UVRAG: variants seen among roughly 807,000 people sequenced by gnomAD.
The protein encoded by UVRAG is UV radiation resistance associated.
UVRAG carries 19 observed loss-of-function variants against 78.0 expected under a neutral mutation model. The observed-to-expected ratio is 0.24, with a 90% CI of 0.17 to 0.36. The LOEUF (loss-of-function observed/expected upper bound fraction) is 0.36, where lower values mean the gene tolerates loss of function less well. UVRAG is among the 10% of genes least tolerant of loss of function. UVRAG has a pLI of 1.00. For synonymous variants in UVRAG, 323 were observed against 324.6 expected (o/e 1.00, Z 0.05); for missense variants, 740 against 853.8 (o/e 0.87, Z 1.66).
intron 13 of UVRAG, among the ~76,000 whole-genome samples, chr11:76,091,759 T>C (rs960549998): frequency 1.3e-5 from 2 of 152,170 alleles, no homozygotes; most frequent in African/African-American, 4.8e-5. Flanking sequence ...TTTTTATTGT[T>C]GTTTTTGTTT....
At chr11:76,085,479 T>G (rs1327493398) in intron 13 of UVRAG, among the ~76,000 whole-genome samples, 1 of 152,248 alleles carries the variant, frequency 6.6e-6, no homozygotes, top group Non-Finnish European at 1.5e-5. Flanking sequence ...GAATCAATTG[T>G]GTCACCAAAC....
At chr11:75,878,087 G>A (rs1590965160) in intron 3 of UVRAG, among the ~76,000 whole-genome samples, 1 of 146,750 alleles carries the variant, frequency 6.8e-6, no homozygotes, top group Non-Finnish European at 1.5e-5. Context: ...GGGCGGAGGG[G>A]CTCCTCACTT....
intron 7 of UVRAG, among the ~76,000 whole-genome samples, chr11:75,971,824 T>TACA (rs1230657944): frequency 1.3e-5 from 2 of 152,168 alleles, no homozygotes; most frequent in Non-Finnish European, 2.9e-5. Flanking sequence ...TAGCTGGGAT[T>TACA]ACAGGTGTAC....
chr11:75,953,817 A>G (rs146303482), intron 6 of UVRAG, among the ~76,000 whole-genome samples: 226 of 152,308 alleles, frequency 1.5e-3, no homozygotes, highest in Non-Finnish European at 2.5e-3. Flanking sequence ...CAGAATACCT[A>G]TCGGATAGCT....
At chr11:75,916,250 C>G (rs1008617954) in intron 6 of UVRAG, 1 of 152,166 alleles carries the variant, frequency 6.6e-6, no homozygotes, top group Non-Finnish European at 1.5e-5. Context: ...GGATGCAAGA[C>G]TTTGAGCAAG....
chr11:76,140,550 G>GT (rs1330529146), intron 14 of UVRAG, among the ~76,000 whole-genome samples, 161 bp from the exon 15 acceptor site: 1 of 152,076 alleles, frequency 6.6e-6, no homozygotes, highest in East Asian at 1.9e-4. Context: ...ACCTCATGTT[G>GT]TTTTTTGCAT....
intron 5 of UVRAG, among the ~76,000 whole-genome samples, chr11:75,902,424 G>A (rs1262652100): frequency 6.6e-6 from 1 of 152,206 alleles, no homozygotes; most frequent in Non-Finnish European, 1.5e-5. Context: ...ACGCTGATCT[G>A]ACAGGAGGGG....
chr11:76,073,775 G>A (rs1437784918), intron 13 of UVRAG, among the ~76,000 whole-genome samples: 1 of 152,138 alleles, frequency 6.6e-6, no homozygotes, highest in Non-Finnish European at 1.5e-5. Context: ...CCTTTAAAAA[G>A]CTATTACTTA....
At chr11:76,089,954 T>G (rs983898234) in intron 13 of UVRAG, among the ~76,000 whole-genome samples, 1 of 152,114 alleles carries the variant, frequency 6.6e-6, no homozygotes. Context: ...AAAACTGAGT[T>G]TCCAGCTGTG....
At chr11:75,826,170 C>A (rs1446559896) in intron 1 of UVRAG, among the ~76,000 whole-genome samples, 1 of 146,534 alleles carries the variant, frequency 6.8e-6, no homozygotes, top group African/African-American at 2.5e-5. Flanking sequence ...CTTTTTTTTT[C>A]TTTTAAGACG....
rs566947583 is a variant in UVRAG at position 75,885,727 on chromosome 11, C to T, written c.433-3102C>T. Reference sequence around the variant, plus strand: ...TATAATTGATAAGTAAAGGATAGTACACATTACGCTTATTAGCATAATTTA... The same window carrying T: ...TATAATTGATAAGTAAAGGATAGTATACATTACGCTTATTAGCATAATTTA... On this transcript the variant is annotated intron_variant, in intron 4 of 14. Coordinates refer to ENST00000356136, the MANE Select transcript of UVRAG (RefSeq NM_003369.4). 3.9e-3 allele frequency among the ~76,000 whole-genome samples: 592 copies of T among 152,218 alleles called. 1 individual carries two copies. The highest frequency in any genetic ancestry group is 0.02 in the Middle Eastern group (6 of 294).
chr11:75,827,985 C>G (rs1320939913), intron 1 of UVRAG, among the ~76,000 whole-genome samples: 1 of 151,692 alleles, frequency 6.6e-6, no homozygotes, highest in African/African-American at 2.4e-5. Context: ...ATGTTAATAT[C>G]TAAGTATACA....
chr11:75,909,509 G>T (rs1591005330), intron 5 of UVRAG, among the ~76,000 whole-genome samples: 1 of 151,686 alleles, frequency 6.6e-6, no homozygotes, highest in Non-Finnish European at 1.5e-5. Flanking sequence ...TGTCAATGTT[G>T]ATCTTTTTAA....
intron 14 of UVRAG, chr11:76,137,428 T>C (rs1236608641): frequency 2.2e-6 from 1 of 456,154 alleles, no homozygotes; most frequent in Non-Finnish European, 4.4e-6. Flanking sequence ...GAAAATGCCT[T>C]TTCTTGTTCA....
intron 2 of UVRAG, among the ~76,000 whole-genome samples, chr11:75,857,497 C>G (rs2371374): frequency 6.8e-6 from 1 of 147,698 alleles, no homozygotes; most frequent in Admixed American, 6.7e-5. Flanking sequence ...TTCCCCCCCC[C>G]TTTTTTTTTT....
chr11:76,122,403 C>T (rs773077992), intron 14 of UVRAG, among the ~76,000 whole-genome samples: 1 of 152,122 alleles, frequency 6.6e-6, no homozygotes, highest in African/African-American at 2.4e-5. Context: ...TCTCTGTGAC[C>T]TCAAACAGGT....
chr11:75,932,523 A>G (rs1948265213), intron 6 of UVRAG, among the ~76,000 whole-genome samples: 1 of 152,034 alleles, frequency 6.6e-6, no homozygotes, highest in South Asian at 2.1e-4. Context: ...TGAGCTCATG[A>G]TCTGCCCGCC....
chr11:76,119,769 A>G (rs1952242806), intron 14 of UVRAG, among the ~76,000 whole-genome samples: 1 of 152,306 alleles, frequency 6.6e-6, no homozygotes, highest in Non-Finnish European at 1.5e-5. Context: ...AAACAGCTGC[A>G]CCAGTGCAAT....
rs147407930 is a variant in UVRAG at position 76,065,588 on chromosome 11, A to G, written c.1227-122A>G. The stretch of plus-strand genomic sequence containing the variant: ...TCAGTAGATTGCAATGACTATAGCT[A>G]GGTGACTTAGTCCAATTCAGATGTT... On this transcript the variant is annotated intron_variant, in intron 12 of 14. Coordinates refer to ENST00000356136, the MANE Select transcript of UVRAG (RefSeq NM_003369.4). 133 of 728,548 alleles carry G rather than the reference A, an allele frequency of 1.8e-4. No individual in the cohort carries two copies. The African/African-American group carries it at 2.1e-3, about 11-fold the overall frequency. 45.1% of individuals were successfully genotyped at this position (728,548 alleles called of 1,614,324 possible).
Sources: gnomAD v4.1 joint callset for allele counts (sites outside exome capture counted in the v4.1 genomes callset) on GRCh38, gnomAD v4.1.1 for gene constraint, MANE v1.5 for transcripts, NCBI Gene and HGNC (gene_info 2026-07-23, HGNC 2026-07-21) for gene names.